MEI4: variants seen among roughly 807,000 people sequenced by gnomAD.
The protein encoded by MEI4 is meiosis-specific protein MEI4.
Under a neutral mutation model 31.4 loss-of-function variants are expected in MEI4, and 27 were observed. The observed-to-expected ratio is 0.86, with a 90% CI of 0.63 to 1.19. MEI4 has a LOEUF of 1.19. Ranked by LOEUF, MEI4 falls within the 50% of genes most tolerant of loss-of-function variation. MEI4 has a pLI of 0.00. For synonymous variants in MEI4, 122 were observed against 145.4 expected (o/e 0.84, Z 1.16); for missense variants, 329 against 398.9 (o/e 0.82, Z 1.49).
chr6:77,762,613 A>G (rs1309947911), intron 3 of MEI4, among the ~76,000 whole-genome samples: 1 of 152,178 alleles, frequency 6.6e-6, no homozygotes, highest in Non-Finnish European at 1.5e-5. Context: ...GCTATGATCT[A>G]ACATTTAGGG....
At position 77,760,971 on chromosome 6, in the gene MEI4, C is replaced by A. The variant is rs529765676; in HGVS notation, c.233-159C>A. 7.9e-4 allele frequency among the ~76,000 whole-genome samples: 120 copies of A among 152,286 alleles called. No individual in the cohort carries two copies. The Middle Eastern group carries it at 0.01, about 13-fold the overall frequency. Reference sequence around the variant, plus strand: ...TCTACAATCTCTACAATTTCTTTCACAGTTTTTTCTTTACTCAGTTTTTAC... The same window carrying A: ...TCTACAATCTCTACAATTTCTTTCAAAGTTTTTTCTTTACTCAGTTTTTAC... On this transcript the variant is annotated intron_variant, in intron 2 of 4. Coordinates refer to ENST00000684080, the MANE Select transcript of MEI4 (RefSeq NM_001322247.2).
intron 3 of MEI4, among the ~76,000 whole-genome samples, chr6:77,794,256 T>C (rs775758362): frequency 1.4e-4 from 22 of 152,216 alleles, no homozygotes; most frequent in Non-Finnish European, 1.6e-4. Context: ...AAATGACAGT[T>C]GTTAACATTT....
rs182303006 is a variant in MEI4 at position 77,660,850 on chromosome 6, G to A, written c.-15+7758G>A. 6.2e-3 allele frequency among the ~76,000 whole-genome samples: 938 copies of A among 152,226 alleles called. 2 individuals are homozygous for A. Among genetic ancestry groups the A allele is most frequent in the Non-Finnish European group, 9.6e-3 (650 of 68,008 alleles). Reference sequence around the variant, plus strand: ...CAGTCAGGGTACTATAGATGACTAAGTAGGGTCCGGTCCATTGAGGTTGTA... The same window carrying A: ...CAGTCAGGGTACTATAGATGACTAAATAGGGTCCGGTCCATTGAGGTTGTA... On this transcript the variant is annotated intron_variant, in intron 1 of 4. Transcript: ENST00000684080.
At chr6:77,896,909 G>C (rs1210885008) in intron 4 of MEI4, among the ~76,000 whole-genome samples, 1 of 151,976 alleles carries the variant, frequency 6.6e-6, no homozygotes, top group Non-Finnish European at 1.5e-5. Flanking sequence ...CTTAAGAGTT[G>C]AGACTATTGT....
chr6:77,755,544 G>A (rs1027583468), intron 2 of MEI4, among the ~76,000 whole-genome samples: 2 of 151,774 alleles, frequency 1.3e-5, no homozygotes, highest in Non-Finnish European at 2.9e-5. Flanking sequence ...TCAGCCTCCC[G>A]AGTAGCTGAG....
At chr6:77,663,381 G>A (rs192269690) in intron 1 of MEI4, among the ~76,000 whole-genome samples, 3 of 151,326 alleles carry the variant, frequency 2.0e-5, no homozygotes, top group South Asian at 2.1e-4. Flanking sequence ...GGGAGTAGAG[G>A]TGTCCTATAC....
At chr6:77,800,599 G>T (rs1055834909) in intron 3 of MEI4, among the ~76,000 whole-genome samples, 1 of 152,126 alleles carries the variant, frequency 6.6e-6, no homozygotes, top group Admixed American at 6.5e-5. Flanking sequence ...TCCAGTTTTT[G>T]CCCATTCAGT....
At chr6:77,747,954 G>C (rs1235977524) in intron 2 of MEI4, among the ~76,000 whole-genome samples, 1 of 152,240 alleles carries the variant, frequency 6.6e-6, no homozygotes, top group East Asian at 1.9e-4. Flanking sequence ...CCCCATGCAA[G>C]TGCAGAATCC....
At chr6:77,898,165 T>G (rs1766121388) in intron 4 of MEI4, among the ~76,000 whole-genome samples, 1 of 152,048 alleles carries the variant, frequency 6.6e-6, no homozygotes, top group Admixed American at 6.6e-5. Context: ...GCTGCTTTGG[T>G]GCTTTCTCCT....
At chr6:77,881,343 G>A (rs1349098061) in intron 4 of MEI4, among the ~76,000 whole-genome samples, 1 of 151,922 alleles carries the variant, frequency 6.6e-6, no homozygotes, top group East Asian at 1.9e-4. Flanking sequence ...AGCCTCCTGG[G>A]TCTAATGTTT....
intron 2 of MEI4, among the ~76,000 whole-genome samples, chr6:77,716,134 C>T (rs1766577872): frequency 6.6e-6 from 1 of 152,176 alleles, no homozygotes; most frequent in Non-Finnish European, 1.5e-5. Context: ...ATGGCACTTT[C>T]TCTTTGGAGT....
At chr6:77,749,816 A>T (rs974112280) in intron 2 of MEI4, among the ~76,000 whole-genome samples, 10 of 152,244 alleles carry the variant, frequency 6.6e-5, no homozygotes, top group Admixed American at 3.3e-4. Flanking sequence ...ACACATAATG[A>T]TCAGATTCAC....
At chr6:77,791,461 C>T (rs1239584558) in intron 3 of MEI4, among the ~76,000 whole-genome samples, 1 of 142,108 alleles carries the variant, frequency 7.0e-6, no homozygotes, top group Admixed American at 7.7e-5. Flanking sequence ...TATTCTCACT[C>T]ATAGGTGGGA....
At chr6:77,685,317 T>C (rs909294516) in intron 1 of MEI4, among the ~76,000 whole-genome samples, 13 of 151,566 alleles carry the variant, frequency 8.6e-5, no homozygotes, top group Non-Finnish European at 1.6e-4. Flanking sequence ...CTTCACTTTT[T>C]TTTTTTTTTT....
chr6:77,666,089 C>T (rs906338295), intron 1 of MEI4, among the ~76,000 whole-genome samples: 7 of 152,044 alleles, frequency 4.6e-5, no homozygotes, highest in Non-Finnish European at 7.3e-5. Context: ...GGGCTGAGTC[C>T]GAAAAGAGAG....
intron 3 of MEI4, among the ~76,000 whole-genome samples, chr6:77,787,652 G>A (rs961326881): frequency 2.6e-5 from 4 of 152,080 alleles, no homozygotes; most frequent in Non-Finnish European, 4.4e-5. Context: ...AGGTGACAAA[G>A]AATTAAGCAA....
rs186732873 is a variant in MEI4, at chr6:77,705,939, G to T, written c.232+15036G>T. Reference sequence around the variant, plus strand: ...CTTTAAGTCATTGAGCAGATCCATTGTTTCACAGTTTTGTGGACTCAGAAA... The same window carrying T: ...CTTTAAGTCATTGAGCAGATCCATTTTTTCACAGTTTTGTGGACTCAGAAA... On this transcript the variant is annotated intron_variant, in intron 2 of 4. Transcript: ENST00000684080. Among the ~76,000 whole-genome samples, 26 of 152,274 alleles carry T rather than the reference G, an allele frequency of 1.7e-4. No individual in the cohort carries two copies. The East Asian group carries it at 4.5e-3, about 26-fold the overall frequency.
chr6:77,731,385 T>C (rs1195186145), intron 2 of MEI4, among the ~76,000 whole-genome samples: 3 of 151,216 alleles, frequency 2.0e-5, no homozygotes, highest in African/African-American at 7.3e-5. Flanking sequence ...CCAGTGATGG[T>C]GAGCATTTTT....
chr6:77,916,365 A>T (rs1156911973), intron 4 of MEI4, among the ~76,000 whole-genome samples: 1 of 152,030 alleles, frequency 6.6e-6, no homozygotes, highest in South Asian at 2.1e-4. Context: ...AACATCTGGT[A>T]TATCAGTTGC....
Sources: gnomAD v4.1 joint callset for allele counts (sites outside exome capture counted in the v4.1 genomes callset) on GRCh38, gnomAD v4.1.1 for gene constraint, MANE v1.5 for transcripts, NCBI Gene and HGNC (gene_info 2026-07-23, HGNC 2026-07-21) for gene names.